CYP19A1: variants seen among roughly 807,000 people sequenced by gnomAD.
CYP19A1 encodes aromatase.
In CYP19A1, 32 loss-of-function variants were observed where a neutral mutation model predicts 44.4. That is an observed-to-expected ratio of 0.72 (90% confidence interval 0.54 to 0.97). The LOEUF (loss-of-function observed/expected upper bound fraction) is 0.97. CYP19A1 is among the 50% of genes least tolerant of loss of function. The pLI is 0.00. For missense variants in CYP19A1, 598 were observed against 637.8 expected (o/e 0.94, Z 0.67); for synonymous variants, 212 against 215.6 (o/e 0.98, Z 0.14).
intron 3 of CYP19A1, among the ~76,000 whole-genome samples, chr15:51,236,299 CT>C (rs1240884211): frequency 6.6e-6 from 1 of 152,170 alleles, no homozygotes; most frequent in African/African-American, 2.4e-5. Flanking sequence ...ACCATCTGCT[CT>C]TTTAGAGGTG....
chr15:51,224,283 C>T (rs917086691), intron 4 of CYP19A1, among the ~76,000 whole-genome samples: 6 of 152,176 alleles, frequency 3.9e-5, no homozygotes. Context: ...TTGTGCCAAA[C>T]TTTCCACTAT....
chr15:51,301,255 T>C (rs1354489597), intron 1 of CYP19A1, among the ~76,000 whole-genome samples: 3 of 152,244 alleles, frequency 2.0e-5, no homozygotes, highest in African/African-American at 7.2e-5. Flanking sequence ...TTGCCTCCTC[T>C]CTCTGATACC....
At chr15:51,302,705 C>A (rs887864858) in intron 1 of CYP19A1, among the ~76,000 whole-genome samples, 59 of 152,160 alleles carry the variant, frequency 3.9e-4, no homozygotes, top group African/African-American at 1.4e-3. Flanking sequence ...GTGGAAAGTC[C>A]CCTGCCATCT....
At chr15:51,321,948 G>GT (rs2036534892) in intron 1 of CYP19A1, 1 of 136,062 alleles carries the variant, frequency 7.3e-6, no homozygotes, top group Non-Finnish European at 1.5e-5. Context: ...GCTGTTTAGG[G>GT]GAAAAAAAAA....
At position 51,233,816 on chromosome 15, in the gene CYP19A1, G is replaced by A. The variant is rs536456123; in HGVS notation, c.296+3043C>T. 4.6e-5 allele frequency among the ~76,000 whole-genome samples: 7 copies of A among 152,160 alleles called. No individual in the cohort carries two copies. In the East Asian group the frequency reaches 1.2e-3, roughly 25 times the overall value. On this transcript the variant is annotated intron_variant, in intron 3 of 9. Coordinates refer to ENST00000396402, the MANE Select transcript of CYP19A1 (RefSeq NM_000103.4). ...ATATAATGGACATATAGTGTCATAC[G>A]CAGCACCTACAGACCTTCATTAATT...
chr15:51,253,454 A>G (rs1021901952), intron 1 of CYP19A1, among the ~76,000 whole-genome samples: 3 of 152,116 alleles, frequency 2.0e-5, no homozygotes, highest in African/African-American at 7.2e-5. Context: ...GTAGCTCCCA[A>G]TACATCCCTC....
intron 1 of CYP19A1, among the ~76,000 whole-genome samples, chr15:51,303,626 A>G (rs756095424): frequency 1.6e-4 from 24 of 152,188 alleles, no homozygotes; most frequent in Non-Finnish European, 2.9e-4. Flanking sequence ...TTCTTAGTGG[A>G]AAAAACTGTC....
intron 1 of CYP19A1, among the ~76,000 whole-genome samples, chr15:51,329,245 G>C (rs994899132): frequency 6.6e-6 from 1 of 152,022 alleles, no homozygotes. Flanking sequence ...AACAGCCCTT[G>C]GTTCACACTG....
intron 4 of CYP19A1, among the ~76,000 whole-genome samples, chr15:51,224,612 A>G (rs144049298): frequency 6.8e-4 from 104 of 152,362 alleles, no homozygotes; most frequent in African/African-American, 2.5e-3. Context: ...CCCTTCCTGC[A>G]TCACTGCAGT....
chr15:51,273,800 AT>A (rs2035209474), intron 1 of CYP19A1, among the ~76,000 whole-genome samples: 1 of 152,186 alleles, frequency 6.6e-6, no homozygotes, highest in South Asian at 2.1e-4. Flanking sequence ...GAGGTCAGGA[AT>A]TTGAGAATAG....
At chr15:51,248,842 A>T (rs560835562) in intron 1 of CYP19A1, among the ~76,000 whole-genome samples, 1 of 152,194 alleles carries the variant, frequency 6.6e-6, no homozygotes, top group African/African-American at 2.4e-5. Flanking sequence ...CATTGCTGCC[A>T]GATTTGCTTT....
chr15:51,268,099 A>G (rs534501576), intron 1 of CYP19A1, among the ~76,000 whole-genome samples: 1 of 152,184 alleles, frequency 6.6e-6, no homozygotes, highest in Non-Finnish European at 1.5e-5. Context: ...CCCCCATCCC[A>G]TTTAAAGGAC....
Position 51,236,337 on chromosome 15 carries a change from T to C in CYP19A1, c.296+522A>G, listed in dbSNP as rs1056702684. Among the ~76,000 whole-genome samples, 6 of 152,234 alleles carry C rather than the reference T, an allele frequency of 3.9e-5. 1 individual carries two copies. Among genetic ancestry groups the C allele is most frequent in the African/African-American group, 1.2e-4 (5 of 41,474 alleles). On this transcript the variant is annotated intron_variant, in intron 3 of 9. Transcript: ENST00000396402. ...TCAGTTGCTTGGCAGGAGAATAAAT[T>C]AGCAAATTGCTAATCAGATACCTCT...
At chr15:51,321,522 T>A (rs1342011928) in intron 1 of CYP19A1, 1 of 152,222 alleles carries the variant, frequency 6.6e-6, no homozygotes, top group Non-Finnish European at 1.5e-5. Context: ...CTGGCCCTAA[T>A]TTCGTCTGCA....
At chr15:51,263,781 C>T (rs114712311) in intron 1 of CYP19A1, among the ~76,000 whole-genome samples, 1,876 of 152,310 alleles carry the variant, frequency 0.012, 39 homozygotes, top group African/African-American at 0.042. Context: ...AGCATTCCAA[C>T]TCTGAGAGGA....
At chr15:51,217,147 T>C (rs1233717235) in intron 6 of CYP19A1, among the ~76,000 whole-genome samples, 2 of 152,226 alleles carry the variant, frequency 1.3e-5, no homozygotes, top group Non-Finnish European at 2.9e-5. Context: ...CTCTTCCTAG[T>C]AGGCTGAGAA....
intron 3 of CYP19A1, among the ~76,000 whole-genome samples, chr15:51,235,819 T>C (rs143360558): frequency 3.2e-4 from 48 of 152,362 alleles, no homozygotes; most frequent in African/African-American, 1.1e-3. Context: ...TCTAACAAAT[T>C]GGTAAAACAC....
In CYP19A1 at chr15:51,277,564, T is replaced by G. The variant is rs28757130; in HGVS notation, c.-38-34614A>C. Among the ~76,000 whole-genome samples the G allele has an allele frequency of 1.9e-3, 285 of 152,340 alleles. 1 individual carries two copies. Among genetic ancestry groups the G allele is most frequent in the African/African-American group, 6.5e-3 (272 of 41,578 alleles). On this transcript the variant is annotated intron_variant, in intron 1 of 9. Transcript: ENST00000396402. ...GGATTAAAAAGCTAAAGTTTGAAAG[T>G]AAAATTATTTTGCTACTCTTTAAAT...
chr15:51,234,912 C>T (rs758968686), intron 3 of CYP19A1, among the ~76,000 whole-genome samples: 12 of 152,126 alleles, frequency 7.9e-5, no homozygotes, highest in Non-Finnish European at 1.2e-4. Flanking sequence ...AGATCCTGGG[C>T]AGCAGGTAGA....
Sources: allele counts gnomAD v4.1 joint callset (sites outside exome capture counted in the v4.1 genomes callset), GRCh38; gene constraint gnomAD v4.1.1; transcripts MANE v1.5; gene names NCBI Gene and HGNC (gene_info 2026-07-23, HGNC 2026-07-21).